The following CEP128 variants were observed in gnomAD, a reference collection of about 807,000 sequenced individuals.
CEP128 encodes centrosomal protein 128.
In CEP128, 132 loss-of-function variants were observed where a neutral mutation model predicts 156.7. The ratio of observed to expected loss-of-function variants is 0.84; its 90% CI spans 0.73 to 0.97. CEP128 has a LOEUF of 0.97. CEP128 is among the 50% of genes least tolerant of loss of function. The pLI, the probability that CEP128 is intolerant of heterozygous loss-of-function variation, is 0.00. For synonymous variants in CEP128, 469 were observed against 448.9 expected, an observed-to-expected ratio of 1.04 and a Z score of -0.57; for missense variants, 1,252 against 1,281.9, an observed-to-expected ratio of 0.98 and a Z score of 0.36.
At chr14:80,890,219 A>G (rs990944216) in intron 8 of CEP128, among the ~76,000 whole-genome samples, 5 of 152,300 alleles carry the variant, frequency 3.3e-5, no homozygotes, top group Admixed American at 6.5e-5. Flanking sequence ...ACAGTGTGGC[A>G]ATTCCTCAAG....
At chr14:80,589,149 C>A (rs1891941824) in intron 19 of CEP128, among the ~76,000 whole-genome samples, 1 of 152,034 alleles carries the variant, frequency 6.6e-6, no homozygotes, top group Admixed American at 6.6e-5. Context: ...AAGGAAACCT[C>A]TAGAAGCTGG....
At chr14:80,838,062 T>C (rs1886171265) in intron 11 of CEP128, 142 bp downstream of exon 11, 1 of 577,870 alleles carries the variant, frequency 1.7e-6, no homozygotes, top group Non-Finnish European at 3.0e-6. Flanking sequence ...TATCCTTTGC[T>C]TAGGTGTGCT....
chr14:80,628,011 T>C (rs1310366384), intron 19 of CEP128, among the ~76,000 whole-genome samples: 1 of 152,220 alleles, frequency 6.6e-6, no homozygotes, highest in Non-Finnish European at 1.5e-5. Flanking sequence ...CACAGCTCTC[T>C]TGAAGGCAGT....
intron 2 of CEP128, among the ~76,000 whole-genome samples, chr14:80,936,434 G>A (rs1885813466): frequency 6.6e-6 from 1 of 152,122 alleles, no homozygotes; most frequent in Admixed American, 6.6e-5. Flanking sequence ...GAGGGAAGGA[G>A]GGATGGGAAA....
chr14:80,655,336 A>G (rs1477556107), intron 19 of CEP128, among the ~76,000 whole-genome samples: 1 of 152,174 alleles, frequency 6.6e-6, no homozygotes, highest in Non-Finnish European at 1.5e-5. Context: ...CTATTGTCAC[A>G]CCCTATGTAC....
At chr14:80,572,269 G>A (rs1486134161) in intron 20 of CEP128, among the ~76,000 whole-genome samples, 1 of 152,186 alleles carries the variant, frequency 6.6e-6, no homozygotes. Context: ...CCTTAGAAGT[G>A]AGAACTACAG....
chr14:80,656,954 C>T (rs1417853478), intron 19 of CEP128, among the ~76,000 whole-genome samples: 2 of 152,126 alleles, frequency 1.3e-5, no homozygotes, highest in Non-Finnish European at 2.9e-5. Flanking sequence ...TCTTAAATTG[C>T]ACTTTAAAAA....
At chr14:80,537,488 C>T (rs550052947) in intron 21 of CEP128, among the ~76,000 whole-genome samples, 1 of 152,130 alleles carries the variant, frequency 6.6e-6, no homozygotes, top group African/African-American at 2.4e-5. Flanking sequence ...AAAAATAACA[C>T]ACAAAGACAA....
intron 19 of CEP128, among the ~76,000 whole-genome samples, chr14:80,625,736 TC>T (rs1188875449): frequency 6.6e-6 from 1 of 151,804 alleles, no homozygotes; most frequent in Admixed American, 6.6e-5. Context: ...CCCTTTTCCT[TC>T]CTTCCTTCCT....
At chr14:80,768,726 G>A (rs1315963655) in intron 16 of CEP128, among the ~76,000 whole-genome samples, 1 of 152,250 alleles carries the variant, frequency 6.6e-6, no homozygotes, top group Non-Finnish European at 1.5e-5. Context: ...TCTTAGGCAG[G>A]CTTACAAAAG....
downstream of CEP128, among the ~76,000 whole-genome samples, chr14:80,488,896 A>T (rs948465579): frequency 3.3e-5 from 5 of 150,530 alleles, no homozygotes; most frequent in African/African-American, 1.2e-4. Context: ...AAAAAACCAA[A>T]CACCACATGT....
At chr14:80,609,451 T>C (rs1892910758) in intron 19 of CEP128, among the ~76,000 whole-genome samples, 1 of 152,218 alleles carries the variant, frequency 6.6e-6, no homozygotes, top group Non-Finnish European at 1.5e-5. Context: ...GATCCCATTA[T>C]TATGGTTCCC....
chr14:80,579,768 T>C (rs1303326555), intron 20 of CEP128, among the ~76,000 whole-genome samples: 1 of 152,244 alleles, frequency 6.6e-6, no homozygotes, highest in South Asian at 2.1e-4. Flanking sequence ...ACACTTGAGT[T>C]ACCCATTTGT....
intron 13 of CEP128, among the ~76,000 whole-genome samples, chr14:80,798,463 TAA>T (rs1883627496): frequency 1.3e-5 from 2 of 152,222 alleles, no homozygotes; most frequent in Non-Finnish European, 1.5e-5. Flanking sequence ...ACAACACATA[TAA>T]AGTGTTATCT....
intron 21 of CEP128, among the ~76,000 whole-genome samples, chr14:80,554,240 G>T (rs1006869879): frequency 6.6e-6 from 1 of 152,110 alleles, no homozygotes; most frequent in Non-Finnish European, 1.5e-5. Context: ...TGTTCATGAT[G>T]AATTATTCTT....
intron 23 of CEP128, among the ~76,000 whole-genome samples, chr14:80,524,550 C>G (rs1049132237): frequency 6.6e-6 from 1 of 152,174 alleles, no homozygotes; most frequent in Non-Finnish European, 1.5e-5. Context: ...GCTGCCTCCT[C>G]TCTCAGTCTT....
At chr14:80,903,584 A>G (rs1352956273) in intron 6 of CEP128, among the ~76,000 whole-genome samples, 1 of 152,082 alleles carries the variant, frequency 6.6e-6, no homozygotes, top group East Asian at 1.9e-4. Flanking sequence ...TGGGAGAAAT[A>G]TCTGCAAACC....
chr14:80,784,922 C>T lies in CEP128; in HGVS notation c.2184G>A (p.Glu728=). The change falls in exon 15 of 25, where the codon GAG becomes GAA. Residue 728 remains glutamate (E), a synonymous_variant. Coordinates refer to ENST00000555265, the MANE Select transcript of CEP128 (RefSeq NM_152446.5). ...LMKHFKKEKS[E]AENHIRTLKA... ...TCAGAGTCCTGATATGATTCTCAGC[C>T]TCACTCTTTTCTTTCTTAAAGTGCT... 1 of 1,612,864 alleles carries T rather than the reference C, an allele frequency of 6.2e-7. No homozygotes were observed. The highest frequency in any genetic ancestry group is 8.5e-7 in the Non-Finnish European group (1 of 1,179,450).
At chr14:80,958,106 A>T (rs928299176) in intron 2 of CEP128, 2 of 151,840 alleles carry the variant, frequency 1.3e-5, no homozygotes, top group African/African-American at 2.4e-5. Flanking sequence ...GGGCGGTAGA[A>T]CTCTTTGTTG....
Sources: gnomAD v4.1 joint callset for allele counts (sites outside exome capture counted in the v4.1 genomes callset) on GRCh38, gnomAD v4.1.1 for gene constraint, MANE v1.5 for transcripts, NCBI Gene and HGNC (gene_info 2026-07-23, HGNC 2026-07-21) for gene names.